MCC: variants seen among roughly 807,000 people sequenced by gnomAD.
The protein encoded by MCC is MCC regulator of Wnt signaling pathway.
MCC carries 90 observed loss-of-function variants against 116.2 expected under a neutral mutation model. The observed-to-expected ratio is 0.77, with a 90% CI of 0.65 to 0.92. The LOEUF (loss-of-function observed/expected upper bound fraction) is 0.92, where lower values mean the gene tolerates loss of function less well. Ranked by LOEUF, MCC falls within the 40% of genes least tolerant of loss-of-function variation. The pLI, the probability that MCC is intolerant of heterozygous loss-of-function variation, is 0.00. For synonymous variants in MCC, 578 were observed against 510.5 expected, an observed-to-expected ratio of 1.13 and a Z score of -1.78; for missense variants, 1,516 against 1,312.2, an observed-to-expected ratio of 1.16 and a Z score of -2.40.
intron 8 of MCC, among the ~76,000 whole-genome samples, chr5:113,099,763 A>C (rs555809961): frequency 2.0e-5 from 3 of 152,290 alleles, no homozygotes; most frequent in Non-Finnish European, 2.9e-5. Context: ...AAAACACTGG[A>C]AAGTGGGGAA....
At chr5:113,265,638 G>A (rs981173834) in intron 3 of MCC, among the ~76,000 whole-genome samples, 2 of 152,102 alleles carry the variant, frequency 1.3e-5, no homozygotes, top group Non-Finnish European at 2.9e-5. Context: ...TAAGTACACC[G>A]GGGTCTCTGG....
chr5:113,297,163 C>T (rs1281194916), intron 3 of MCC, among the ~76,000 whole-genome samples: 2 of 152,116 alleles, frequency 1.3e-5, no homozygotes, highest in African/African-American at 4.8e-5. Context: ...ATGAACATGC[C>T]GATTGTACTA....
chr5:113,439,609 A>G (rs952550216), intron 1 of MCC, among the ~76,000 whole-genome samples: 1 of 152,206 alleles, frequency 6.6e-6, no homozygotes, highest in Non-Finnish European at 1.5e-5. Context: ...TTTCTGCTAG[A>G]GACTCATGTC....
chr5:113,378,616 A>G (rs1050356236), intron 2 of MCC, among the ~76,000 whole-genome samples: 1 of 152,212 alleles, frequency 6.6e-6, no homozygotes. Context: ...CAAAGCTCTG[A>G]GAAGCACAGA....
chr5:113,106,891 C>T (rs1243850943), intron 6 of MCC, among the ~76,000 whole-genome samples: 2 of 152,196 alleles, frequency 1.3e-5, no homozygotes, highest in Non-Finnish European at 2.9e-5. Context: ...AGCTCAAATG[C>T]TATCTCCCCA....
intron 1 of MCC, among the ~76,000 whole-genome samples, chr5:113,484,002 A>G (rs1402914071): frequency 6.6e-6 from 1 of 152,208 alleles, no homozygotes; most frequent in Non-Finnish European, 1.5e-5. Flanking sequence ...GTGAGAACAC[A>G]TGGACACATA....
chr5:113,262,337 C>T (rs1765248794), intron 3 of MCC, among the ~76,000 whole-genome samples: 1 of 152,072 alleles, frequency 6.6e-6, no homozygotes, highest in Admixed American at 6.6e-5. Flanking sequence ...ACAAGCGAAA[C>T]CATCCTTGGC....
rs1766144818 is a variant in MCC, at chr5:113,283,807, AAC to A, written c.627+56710_627+56711del. On this transcript the variant is annotated intron_variant, in intron 3 of 18. Transcript: ENST00000408903. ...TACTAATTACAGTTGATCATTGAAC[AAC>A]ACTGGTTTGAACTGCTAATGTTTGA... is the stretch of plus-strand genomic sequence containing the variant. 4.6e-5 allele frequency among the ~76,000 whole-genome samples: 7 copies of A among 152,332 alleles called. No homozygotes were observed. In the South Asian group the frequency reaches 1.5e-3, roughly 32 times the overall value.
chr5:113,086,972 G>T (rs1023013323), intron 8 of MCC, among the ~76,000 whole-genome samples: 5 of 152,162 alleles, frequency 3.3e-5, no homozygotes, highest in African/African-American at 1.2e-4. Context: ...GCTGCCGGTC[G>T]GGGACCATAC....
intron 3 of MCC, among the ~76,000 whole-genome samples, chr5:113,173,938 A>G (rs968303824): frequency 6.6e-6 from 1 of 152,188 alleles, no homozygotes; most frequent in Non-Finnish European, 1.5e-5. Context: ...AACCAATTCC[A>G]AAGACAGAGA....
rs10649958 is a variant in MCC at position 113,100,464 on chromosome 5, C to CTTTTTTTT, written c.1398+1267_1398+1274dup. 2.7e-4 allele frequency among the ~76,000 whole-genome samples: 21 copies of CTTTTTTTT among 78,836 alleles called. 1 individual carries two copies. Among genetic ancestry groups the CTTTTTTTT allele is most frequent in the African/African-American group, 4.2e-4 (9 of 21,616 alleles). 51.7% of individuals were successfully genotyped at this position (78,836 alleles called of 152,430 possible). On this transcript the variant is annotated intron_variant, in intron 8 of 18. Transcript: ENST00000408903. ...TGAGACCCACTAGATGTATTTTTCC[C>CTTTTTTTT]TTTTTTTTTTTTTTTTTTTTTTTTG...
chr5:113,203,549 G>A (rs867293049), intron 3 of MCC, among the ~76,000 whole-genome samples: 1 of 151,960 alleles, frequency 6.6e-6, no homozygotes, highest in Non-Finnish European at 1.5e-5. Flanking sequence ...AATACTCCCC[G>A]AGCGCATACT....
chr5:113,252,244 C>CG (rs1050410190), intron 3 of MCC, among the ~76,000 whole-genome samples: 36 of 152,234 alleles, frequency 2.4e-4, no homozygotes, highest in African/African-American at 5.3e-4. Context: ...CCCCAGCCCC[C>CG]GGGCCCACAG....
intron 1 of MCC, among the ~76,000 whole-genome samples, chr5:113,420,131 A>G (rs531205897): frequency 6.8e-4 from 84 of 122,894 alleles, no homozygotes; most frequent in African/African-American, 3.5e-3. Context: ...CATTGTGCCA[A>G]AGTTTACTTA....
Position 113,125,727 on chromosome 5 carries a change from C to T in MCC, c.885-2901G>A, listed in dbSNP as rs577044587. On this transcript the variant is annotated intron_variant, in intron 5 of 18. Coordinates refer to ENST00000408903, the MANE Select transcript of MCC (RefSeq NM_001085377.2). ...AGAGTCCCTGGCAGTTTTATAAAGA[C>T]AAGATTTTGAGTTGTGCTTCTGCAG... 8.5e-5 allele frequency among the ~76,000 whole-genome samples: 13 copies of T among 152,260 alleles called. No individual in the cohort carries two copies. In the South Asian group the frequency reaches 1.9e-3, roughly 22 times the overall value.
chr5:113,046,466 A>G (rs1196416324), intron 16 of MCC, among the ~76,000 whole-genome samples: 1 of 152,048 alleles, frequency 6.6e-6, no homozygotes, highest in East Asian at 1.9e-4. Flanking sequence ...TACTGGGATT[A>G]TAGGTATCAG....
intron 2 of MCC, among the ~76,000 whole-genome samples, chr5:113,378,376 C>T (rs1303357717): frequency 1.3e-5 from 2 of 152,124 alleles, no homozygotes; most frequent in Non-Finnish European, 2.9e-5. Flanking sequence ...AAGGCTGACA[C>T]ATCAGGTGAG....
chr5:113,044,465 GGGAA>G, intron 16 of MCC: 1 of 982,864 alleles, frequency 1.0e-6, no homozygotes, highest in Non-Finnish European at 1.2e-6. Flanking sequence ...CCATGGCTGG[GGGAA>G]GGCATTCATC....
chr5:113,163,544 AT>A (rs533554398), intron 3 of MCC, among the ~76,000 whole-genome samples: 3 of 150,490 alleles, frequency 2.0e-5, no homozygotes, highest in South Asian at 4.2e-4. Flanking sequence ...ATATCCTAAC[AT>A]TTTTTTTTGT....
Sources: allele counts gnomAD v4.1 joint callset (sites outside exome capture counted in the v4.1 genomes callset), GRCh38; gene constraint gnomAD v4.1.1; transcripts MANE v1.5; gene names NCBI Gene and HGNC (gene_info 2026-07-23, HGNC 2026-07-21).